The following NEMF variants were observed in gnomAD, a reference collection of about 807,000 sequenced individuals.
The protein encoded by NEMF is nuclear export mediator factor.
A neutral mutation model predicts 162.2 loss-of-function variants in NEMF; 89 were observed. The ratio of observed to expected loss-of-function variants is 0.55; its 90% CI spans 0.46 to 0.65. The LOEUF is 0.65. Among genes scored for constraint, NEMF ranks in the 30% least tolerant of loss-of-function variants. The pLI is 0.00. For synonymous variants in NEMF, 421 were observed against 404.5 expected, an observed-to-expected ratio of 1.04 and a Z score of -0.49; for missense variants, 1,133 against 1,261.9, an observed-to-expected ratio of 0.90 and a Z score of 1.55.
At chr14:49,785,981 T>C (rs893565667) in intron 29 of NEMF, 2 of 151,512 alleles carry the variant, frequency 1.3e-5, no homozygotes, top group East Asian at 1.9e-4. Flanking sequence ...TAACCACAAA[T>C]AGATTTAAGT....
intron 4 of NEMF, among the ~76,000 whole-genome samples, chr14:49,841,561 C>T (rs1247884905): frequency 1.0e-4 from 12 of 118,082 alleles, no homozygotes; most frequent in East Asian, 6.9e-4. Flanking sequence ...GCAACAAGAG[C>T]GAAACTCTCG....
At chr14:49,806,236 ATATATATATATATATATATATTTTTTTTT>A (rs1891189444) in intron 18 of NEMF, 103 bp from the exon 19 acceptor site, 1 of 15,092 alleles carries the variant, frequency 6.6e-5, no homozygotes, top group Non-Finnish European at 1.3e-4. Context: ...ATATGTGTAT[ATATATATATATATATATATATTTTTTTTT>A]TTTTTTTTTT....
At chr14:49,838,598 T>A (rs1259453071) in intron 5 of NEMF, among the ~76,000 whole-genome samples, 2 of 150,898 alleles carry the variant, frequency 1.3e-5, no homozygotes, top group African/African-American at 4.9e-5. Flanking sequence ...TTTTTTTTTT[T>A]TTTTGAGACG....
chr14:49,810,445 T>C (rs1891424592), intron 18 of NEMF, among the ~76,000 whole-genome samples: 1 of 152,174 alleles, frequency 6.6e-6, no homozygotes, highest in South Asian at 2.1e-4. Context: ...GCACCCCTGC[T>C]GAAAATTAAC....
chr14:49,793,009 A>G (rs1890526298), intron 26 of NEMF, among the ~76,000 whole-genome samples: 1 of 152,182 alleles, frequency 6.6e-6, no homozygotes, highest in Non-Finnish European at 1.5e-5. Flanking sequence ...AATGCAATAG[A>G]CACAGAAAAA....
intron 4 of NEMF, among the ~76,000 whole-genome samples, chr14:49,844,625 A>G (rs957133344): frequency 2.0e-5 from 3 of 152,080 alleles, no homozygotes; most frequent in Admixed American, 1.3e-4. Flanking sequence ...CTTGGGCTAC[A>G]CTAAATTTGT....
rs780842468 is a variant in NEMF, at chr14:49,782,984, GCATGGACAGCAATC to G, written c.*1638_*1651del. ...CATAAATAATGCCTATGATCACCTT[GCATGGACAGCAATC>G]CTGTAAACATCACAGAGTGGCATCA... On this transcript the variant is annotated 3_prime_UTR_variant, in exon 33 of 33. Transcript: ENST00000298310. 5.0e-6 allele frequency: 8 copies of G among 1,601,488 alleles called. No individual in the cohort carries two copies. Among genetic ancestry groups the G allele is most frequent in the Non-Finnish European group, 6.8e-6 (8 of 1,173,250 alleles).
Position 49,800,679 on chromosome 14 carries a change from T to C in NEMF, c.2113A>G (p.Ser705Gly). ...TCATGTTCTTCTTTATCCTCATCAC[T>C]GCTCGTGTCACCTCCATCTGTAGAA... ...MEQLDGGDTS[S>G]DEDKEEHETP... The change falls in exon 23 of 33, where the codon AGT (serine) becomes GGT (glycine). Residue 705 changes from serine to glycine, a missense_variant. Physicochemically the swap from Ser to Gly is moderately conservative, Grantham distance 56 (BLOSUM62 0). Coordinates refer to ENST00000298310, the MANE Select transcript of NEMF (RefSeq NM_004713.6). 6.2e-7 allele frequency: 1 copy of C among 1,613,600 alleles called. No individual in the cohort carries two copies. The highest frequency in any genetic ancestry group is 8.5e-7 in the Non-Finnish European group (1 of 1,179,828).
intron 3 of NEMF, among the ~76,000 whole-genome samples, chr14:49,850,967 G>A (rs1156652604): frequency 6.6e-6 from 1 of 152,206 alleles, no homozygotes; most frequent in Non-Finnish European, 1.5e-5. Flanking sequence ...ACTTCAGGAG[G>A]CTGAGGCTGG....
chr14:49,831,574 A>G (rs1418737992), intron 10 of NEMF, among the ~76,000 whole-genome samples: 4 of 151,990 alleles, frequency 2.6e-5, no homozygotes, highest in Non-Finnish European at 5.9e-5. Context: ...AACAGCTGGG[A>G]CTACAGGTGC....
chr14:49,835,748 C>T (rs3126207), intron 6 of NEMF, among the ~76,000 whole-genome samples: 147,637 of 152,292 alleles, frequency 0.97, 71,749 homozygotes, highest in East Asian at 1. Context: ...TGATCCTGTA[C>T]CTTAAAAAAT....
At chr14:49,817,239 T>C (rs914425900) in intron 16 of NEMF, among the ~76,000 whole-genome samples, 1 of 152,092 alleles carries the variant, frequency 6.6e-6, no homozygotes, top group Non-Finnish European at 1.5e-5. Context: ...GGTCCAGAGT[T>C]TGAGACCAGC....
At chr14:49,789,410 T>C in intron 27 of NEMF, 67 bp from the exon 28 acceptor site, 5 of 1,610,114 alleles carry the variant, frequency 3.1e-6, no homozygotes, top group Middle Eastern at 1.7e-4. Context: ...TTAACAAGAA[T>C]GTATTGAATG....
chr14:49,792,312 C>T (rs1890491076), intron 26 of NEMF, among the ~76,000 whole-genome samples: 1 of 152,122 alleles, frequency 6.6e-6, no homozygotes, highest in Admixed American at 6.5e-5. Flanking sequence ...GCCTCCCAGG[C>T]TCAAGCAATT....
intron 16 of NEMF, among the ~76,000 whole-genome samples, chr14:49,823,383 T>C (rs1212651002): frequency 6.6e-6 from 1 of 152,004 alleles, no homozygotes; most frequent in Non-Finnish European, 1.5e-5. Context: ...ACTTATTTAT[T>C]TTTTTAAAAA....
chr14:49,812,697 T>TA (rs1332595675), intron 18 of NEMF, among the ~76,000 whole-genome samples: 2 of 152,200 alleles, frequency 1.3e-5, no homozygotes, highest in African/African-American at 2.4e-5. Flanking sequence ...TCCACATACT[T>TA]ACGAATTTAA....
chr14:49,798,133 A>C (rs527545554), intron 25 of NEMF, among the ~76,000 whole-genome samples: 1 of 152,392 alleles, frequency 6.6e-6, no homozygotes, highest in African/African-American at 2.4e-5. Flanking sequence ...TAAGCGGTTG[A>C]AAAACGAATG....
chr14:49,842,339 GGCTAAAATGAAATTACT>G, intron 4 of NEMF, among the ~76,000 whole-genome samples: 1 of 152,106 alleles, frequency 6.6e-6, no homozygotes, highest in Non-Finnish European at 1.5e-5. Flanking sequence ...GGCATATGTA[GGCTAAAATGAAATTACT>G]TCTTAAAGAT....
At chr14:49,800,342 G>C (rs977157452) in intron 23 of NEMF, 78 bp downstream of exon 23, 1 of 1,053,248 alleles carries the variant, frequency 9.5e-7, no homozygotes, top group Non-Finnish European at 1.4e-6. Flanking sequence ...TGTCAATCTT[G>C]GTATTATCTT....
Sources: allele counts gnomAD v4.1 joint callset (sites outside exome capture counted in the v4.1 genomes callset), GRCh38; gene constraint gnomAD v4.1.1; transcripts MANE v1.5; gene names NCBI Gene and HGNC (gene_info 2026-07-23, HGNC 2026-07-21).